The following MYLK variants were observed in gnomAD, a reference collection of about 807,000 sequenced individuals.
The protein encoded by MYLK is myosin light chain kinase, also known as myosin light chain kinase, smooth muscle.
MYLK carries 106 observed loss-of-function variants against 203.4 expected under a neutral mutation model. The ratio of observed to expected loss-of-function variants is 0.52; its 90% CI spans 0.45 to 0.61. The LOEUF is 0.61. Ranked by LOEUF, MYLK falls within the 20% of genes least tolerant of loss-of-function variation. The pLI is 0.00. For missense variants in MYLK, 2,072 were observed against 2,442.3 expected (o/e 0.85, Z 3.20); for synonymous variants, 867 against 959.5 (o/e 0.90, Z 1.78).
chr3:123,824,338 C>T (rs909797526), intron 3 of MYLK, among the ~76,000 whole-genome samples: 1 of 152,176 alleles, frequency 6.6e-6, no homozygotes, highest in African/African-American at 2.4e-5. Context: ...GATCCATCCG[C>T]CTTGGTCTCC....
chr3:123,780,663 C>T (rs576316150), intron 4 of MYLK, among the ~76,000 whole-genome samples: 5 of 152,246 alleles, frequency 3.3e-5, no homozygotes, highest in South Asian at 4.1e-4. Flanking sequence ...TTAAGATAGC[C>T]GACAAGCTGC....
intron 20 of MYLK, among the ~76,000 whole-genome samples, chr3:123,678,362 G>A (rs1011794249): frequency 2.6e-5 from 4 of 151,880 alleles, no homozygotes; most frequent in African/African-American, 7.3e-5. Flanking sequence ...TCCTCATCCC[G>A]AAATCTTCCC....
At chr3:123,667,510 A>C (rs1437581000) in intron 20 of MYLK, among the ~76,000 whole-genome samples, 2 of 152,060 alleles carry the variant, frequency 1.3e-5, no homozygotes, top group Non-Finnish European at 2.9e-5. Context: ...AAGCTGAGGC[A>C]GGAGAATCGC....
At chr3:123,707,071 G>A (rs182725016) in intron 16 of MYLK, among the ~76,000 whole-genome samples, 9 of 152,210 alleles carry the variant, frequency 5.9e-5, no homozygotes, top group East Asian at 1.9e-4. Flanking sequence ...CTCCCTCTTC[G>A]ATCACTAGCT....
chr3:123,632,556 C>T (rs1174237477), intron 29 of MYLK, among the ~76,000 whole-genome samples: 1 of 152,154 alleles, frequency 6.6e-6, no homozygotes, highest in East Asian at 1.9e-4. Flanking sequence ...TCCTGGCAGC[C>T]TATCCATCTG....
rs1479549937 is a variant in MYLK, at chr3:123,850,751, A to G, written c.-126-19081T>C. Among the ~76,000 whole-genome samples the G allele has an allele frequency of 2.6e-5, 4 of 152,196 alleles. No homozygotes were observed. The East Asian group carries it at 7.7e-4, about 29-fold the overall frequency. Reference sequence around the variant, plus strand: ...TGTGAAGAAGCTCTTTAGTTTAATTAGATCCCATTTGTCAATTTTGGCTTT... The same window carrying G: ...TGTGAAGAAGCTCTTTAGTTTAATTGGATCCCATTTGTCAATTTTGGCTTT... On this transcript the variant is annotated intron_variant, in intron 2 of 33. Coordinates refer to ENST00000360304, the MANE Select transcript of MYLK (RefSeq NM_053025.4).
chr3:123,816,494 C>G (rs555191571), intron 3 of MYLK, among the ~76,000 whole-genome samples: 1 of 152,284 alleles, frequency 6.6e-6, no homozygotes, highest in East Asian at 1.9e-4. Context: ...AGCTATTAGG[C>G]GACAGAGTCA....
intron 5 of MYLK, among the ~76,000 whole-genome samples, chr3:123,748,074 T>C (rs945988177): frequency 9.2e-5 from 14 of 152,146 alleles, no homozygotes; most frequent in Admixed American, 2.0e-4. Context: ...CTGCAGGCTG[T>C]ACAAGAAGCA....
chr3:123,645,126 C>T (rs2058971140), intron 27 of MYLK, among the ~76,000 whole-genome samples: 1 of 152,188 alleles, frequency 6.6e-6, no homozygotes, highest in Non-Finnish European at 1.5e-5. Context: ...AACAATAACT[C>T]CCCATTATAG....
chr3:123,675,883 C>T (rs1485025757), intron 20 of MYLK, among the ~76,000 whole-genome samples: 7 of 152,292 alleles, frequency 4.6e-5, no homozygotes, highest in African/African-American at 1.2e-4. Flanking sequence ...TGGTCTCATC[C>T]AGTACATGCT....
intron 20 of MYLK, among the ~76,000 whole-genome samples, chr3:123,679,034 C>T (rs920943801): frequency 3.9e-5 from 6 of 152,162 alleles, no homozygotes; most frequent in Non-Finnish European, 7.4e-5. Context: ...TTCGGCCGGG[C>T]GCGGTGGCTC....
intron 13 of MYLK, among the ~76,000 whole-genome samples, chr3:123,718,960 G>A (rs1457598158): frequency 1.3e-5 from 2 of 152,190 alleles, no homozygotes; most frequent in African/African-American, 4.8e-5. Context: ...GAAGCACACG[G>A]TGTTCAGGGA....
intron 31 of MYLK, among the ~76,000 whole-genome samples, chr3:123,626,301 C>T (rs981974451): frequency 6.6e-5 from 10 of 152,142 alleles, no homozygotes; most frequent in African/African-American, 1.2e-4. Flanking sequence ...CTATTATCCC[C>T]GCTTTATAGA....
intron 4 of MYLK, among the ~76,000 whole-genome samples, chr3:123,786,839 T>A (rs762759910): frequency 2.6e-5 from 4 of 152,186 alleles, no homozygotes; most frequent in Non-Finnish European, 5.9e-5. Flanking sequence ...ACATGGCCCA[T>A]TTGTGTATAT....
chr3:123,772,772 A>G (rs1369110049), intron 4 of MYLK, among the ~76,000 whole-genome samples: 3 of 152,026 alleles, frequency 2.0e-5, no homozygotes, highest in Non-Finnish European at 4.4e-5. Context: ...GTTTAAAATT[A>G]ATCAAACAAA....
At chr3:123,797,901 T>C (rs1358961217) in intron 3 of MYLK, among the ~76,000 whole-genome samples, 1 of 152,196 alleles carries the variant, frequency 6.6e-6, no homozygotes, top group East Asian at 1.9e-4. Context: ...TGAATATAGA[T>C]ATAGACCCTT....
At chr3:123,738,319 G>A (rs1035192363) in intron 7 of MYLK, among the ~76,000 whole-genome samples, 1 of 152,172 alleles carries the variant, frequency 6.6e-6, no homozygotes, top group Admixed American at 6.5e-5. Context: ...TTTTGTGAGT[G>A]TGAGAATTGT....
intron 4 of MYLK, among the ~76,000 whole-genome samples, chr3:123,762,015 G>A (rs1286832873): frequency 1.3e-5 from 2 of 152,110 alleles, no homozygotes; most frequent in Non-Finnish European, 2.9e-5. Context: ...CAACAAGAGC[G>A]AAACTCCGCC....
chr3:123,780,815 G>A (rs1362497696), intron 4 of MYLK, among the ~76,000 whole-genome samples: 1 of 152,160 alleles, frequency 6.6e-6, no homozygotes, highest in Non-Finnish European at 1.5e-5. Flanking sequence ...ACTGTCCTAG[G>A]TGCTATAGAG....
Sources: allele counts gnomAD v4.1 joint callset (sites outside exome capture counted in the v4.1 genomes callset), GRCh38; gene constraint gnomAD v4.1.1; transcripts MANE v1.5; gene names NCBI Gene and HGNC (gene_info 2026-07-23, HGNC 2026-07-21).